NUP88: variants seen among roughly 807,000 people sequenced by gnomAD.
NUP88 encodes nuclear pore complex protein Nup88.
In NUP88, 57 loss-of-function variants were observed where a neutral mutation model predicts 93.9. The ratio of observed to expected loss-of-function variants is 0.61; its 90% CI spans 0.49 to 0.76. The LOEUF is 0.76. Ranked by LOEUF, NUP88 falls within the 30% of genes least tolerant of loss-of-function variation. The pLI is 0.00. For missense variants in NUP88, 911 were observed against 901.0 expected, an observed-to-expected ratio of 1.01 and a Z score of -0.14; for synonymous variants, 346 against 336.8, an observed-to-expected ratio of 1.03 and a Z score of -0.30.
rs1914175078 is a variant in NUP88 at position 5,416,761 on chromosome 17, A to AT, written c.298-80_298-79insA. ...GGCAGTTACTTGAAATCACAGTAAT[A>AT]CTTAGTTTACTACAATTATAGGATA... On this transcript the variant is annotated intron_variant, in intron 1 of 16. Coordinates refer to ENST00000573584, the MANE Select transcript of NUP88 (RefSeq NM_002532.6). 2.8e-6 allele frequency: 3 copies of AT among 1,082,508 alleles called. No homozygotes were observed. In the East Asian group the frequency reaches 8.4e-5, roughly 30 times the overall value. The allele number at this position is 1,082,508 out of a possible 1,614,324, so 67.1% of individuals were successfully genotyped here. A position where few individuals can be genotyped will look rare whatever the true frequency, so the allele number is the denominator to read the frequency against.
At chr17:5,388,082 C>A (rs924556120) in intron 11 of NUP88, 178 bp from the exon 12 acceptor site, 1 of 487,858 alleles carries the variant, frequency 2.0e-6, no homozygotes, top group Non-Finnish European at 3.5e-6. Flanking sequence ...CTCACTGCAA[C>A]CTCCACCTCC....
At chr17:5,409,038 T>A in intron 4 of NUP88, 129 bp from the exon 5 acceptor site, 1 of 725,950 alleles carries the variant, frequency 1.4e-6, no homozygotes, top group Non-Finnish European at 2.2e-6. Context: ...TTGTAGGCAA[T>A]GGACTGAAAA....
intron 3 of NUP88, among the ~76,000 whole-genome samples, chr17:5,413,679 C>G (rs1283056887): frequency 3.9e-5 from 6 of 152,278 alleles, no homozygotes; most frequent in South Asian, 2.1e-4. Flanking sequence ...GACAATAATT[C>G]AAATCTCTAA....
At chr17:5,395,534 C>CTTTTTT (rs113574323) in intron 8 of NUP88, among the ~76,000 whole-genome samples, 1 of 149,872 alleles carries the variant, frequency 6.7e-6, no homozygotes, top group Non-Finnish European at 1.5e-5. Context: ...TTTATAACAG[C>CTTTTTT]TTTATTTTTT....
Position 5,386,265 on chromosome 17 carries a change from C to T in NUP88, c.2167G>A (p.Glu723Lys), listed in dbSNP as rs770203857. The T allele has an allele frequency of 2.5e-6, 4 of 1,608,358 alleles. No individual in the cohort carries two copies. The highest frequency in any genetic ancestry group is 2.2e-5 in the South Asian group (2 of 89,776). The change falls in exon 17 of 17, where the codon GAA becomes AAA. Residue 723 changes from glutamate (E) to lysine (K), a missense_variant. Physicochemically the swap from Glu to Lys is moderately conservative, Grantham distance 56. Coordinates refer to ENST00000573584, the MANE Select transcript of NUP88 (RefSeq NM_002532.6). ...TGCTTCACCATTTCCCTTATATGTT[C>T]ACCCCTGTAAAATTGTAAAGTCACT... ...CIQSILKEEG[E>K]HIREMVKQIN...
rs1195784042 is a variant in NUP88, at chr17:5,388,680, G to C, written c.1643+122C>G. On this transcript the variant is annotated intron_variant, in intron 11 of 16. Transcript: ENST00000573584. Reference sequence around the variant, plus strand: ...TTCACTAGCTGATCAAATATATCCAGTTTCTTCCAAATTTATCACAGTAAA... The same window carrying C: ...TTCACTAGCTGATCAAATATATCCACTTTCTTCCAAATTTATCACAGTAAA... The C allele has an allele frequency of 3.3e-6, 3 of 897,418 alleles. No individual in the cohort carries two copies. In the Admixed American group the frequency reaches 8.8e-5, roughly 26 times the overall value. The allele number at this position is 897,418 out of a possible 1,614,324, so 55.6% of individuals were successfully genotyped here. A position where few individuals can be genotyped will look rare whatever the true frequency, so the allele number is the denominator to read the frequency against.
intron 2 of NUP88, among the ~76,000 whole-genome samples, chr17:5,416,087 G>A (rs1229493580): frequency 6.8e-6 from 1 of 148,126 alleles, no homozygotes; most frequent in Non-Finnish European, 1.5e-5. Context: ...GGAGCTTGCA[G>A]TGAGCCGAGA....
chr17:5,395,474 G>C (rs1439601437), intron 8 of NUP88, among the ~76,000 whole-genome samples: 1 of 151,672 alleles, frequency 6.6e-6, no homozygotes, highest in Non-Finnish European at 1.5e-5. Context: ...TTCAAGGATG[G>C]AAAAAAGAAA....
chr17:5,414,128 A>C lies in NUP88; in HGVS notation c.474T>G (p.Thr158=), dbSNP rs755159822. The C allele has an allele frequency of 6.2e-7, 1 of 1,613,228 alleles. No homozygotes were observed. The highest frequency in any genetic ancestry group is 8.5e-7 in the Non-Finnish European group (1 of 1,179,268). ...GGKSTVNCST[T]PVAERFFTSS... is the part of the protein sequence containing the mutation. ...TGGTGAAAAATCTCTCCGCAACTGG[A>C]GTGGTACTAAAATAAAGATAATAAT... Residue 158 remains threonine, a synonymous_variant, in exon 3 of 17, where the codon ACT becomes ACG. Coordinates refer to ENST00000573584, the MANE Select transcript of NUP88 (RefSeq NM_002532.6).
At chr17:5,399,133 C>T (rs895765156) in intron 8 of NUP88, among the ~76,000 whole-genome samples, 7 of 150,706 alleles carry the variant, frequency 4.6e-5, no homozygotes, top group South Asian at 2.1e-4. Context: ...TTTTGTGATC[C>T]ACCCACCTCG....
chr17:5,398,717 T>C (rs1362952469), intron 8 of NUP88, among the ~76,000 whole-genome samples: 2 of 151,206 alleles, frequency 1.3e-5, no homozygotes, highest in East Asian at 3.9e-4. Flanking sequence ...GCCTTCCGAG[T>C]AGCTGGGACT....
chr17:5,401,244 G>A (rs191966592), intron 7 of NUP88, among the ~76,000 whole-genome samples: 5 of 152,134 alleles, frequency 3.3e-5, no homozygotes, highest in Non-Finnish European at 5.9e-5. Context: ...TTAGCCAGGC[G>A]TGGCGGCACA....
At chr17:5,398,883 A>G (rs12601627) in intron 8 of NUP88, among the ~76,000 whole-genome samples, 60,095 of 136,802 alleles carry the variant, frequency 0.44, 13,454 homozygotes, top group East Asian at 0.83. Context: ...GAGCCACTGC[A>G]CCCAGCCTTT....
intron 3 of NUP88, among the ~76,000 whole-genome samples, chr17:5,413,389 T>C (rs1299127925): frequency 6.6e-6 from 1 of 152,220 alleles, no homozygotes; most frequent in Non-Finnish European, 1.5e-5. Flanking sequence ...GAAGATTTAG[T>C]AGAGCACAGT....
chr17:5,406,410 G>A (rs1369684070), intron 5 of NUP88, among the ~76,000 whole-genome samples: 1 of 152,178 alleles, frequency 6.6e-6, no homozygotes, highest in Non-Finnish European at 1.5e-5. Context: ...ATCCAGGACT[G>A]GCTTATGAAG....
At chr17:5,400,097 C>T (rs1039053972) in intron 7 of NUP88, among the ~76,000 whole-genome samples, 2 of 133,036 alleles carry the variant, frequency 1.5e-5, no homozygotes, top group East Asian at 2.6e-4. Flanking sequence ...AAAATGGTGC[C>T]GATAGACTTG....
chr17:5,405,600 A>G (rs1049233501), intron 5 of NUP88, among the ~76,000 whole-genome samples: 7 of 152,138 alleles, frequency 4.6e-5, no homozygotes, highest in Admixed American at 3.3e-4. Context: ...TTCAGACCAA[A>G]ATGTCAATAG....
intron 4 of NUP88, 127 bp downstream of exon 4, chr17:5,410,576 C>T (rs563883514): frequency 3.1e-6 from 2 of 641,240 alleles, no homozygotes; most frequent in African/African-American, 1.8e-5. Context: ...ACTAAAAATA[C>T]ACTTACTTCT....
At chr17:5,392,084 A>AGC (rs1429661528) in intron 9 of NUP88, among the ~76,000 whole-genome samples, 2 of 152,270 alleles carry the variant, frequency 1.3e-5, no homozygotes, top group African/African-American at 2.4e-5. Flanking sequence ...TGGCACGCAC[A>AGC]GCGTGTATCT....
Sources: gnomAD v4.1 joint callset for allele counts (sites outside exome capture counted in the v4.1 genomes callset) on GRCh38, gnomAD v4.1.1 for gene constraint, MANE v1.5 for transcripts, NCBI Gene and HGNC (gene_info 2026-07-23, HGNC 2026-07-21) for gene names.